Variants in SYT1 observed in about 807,000 individuals in gnomAD.
The protein encoded by SYT1 is synaptotagmin-1.
A neutral mutation model predicts 44.8 loss-of-function variants in SYT1; 8 were observed. The ratio of observed to expected loss-of-function variants is 0.18; its 90% CI spans 0.10 to 0.32. The LOEUF is 0.32. Ranked by LOEUF, SYT1 falls within the 10% of genes least tolerant of loss-of-function variation. SYT1 has a pLI of 1.00. For synonymous variants in SYT1, 154 were observed against 188.8 expected, an observed-to-expected ratio of 0.82 and a Z score of 1.51; for missense variants, 286 against 509.3, an observed-to-expected ratio of 0.56 and a Z score of 4.22.
intron 4 of SYT1, among the ~76,000 whole-genome samples, chr12:79,285,017 A>C (rs1879239085): frequency 6.6e-6 from 1 of 152,160 alleles, no homozygotes; most frequent in African/African-American, 2.4e-5. Context: ...AAGCAATCTG[A>C]GTAGAGTCAC....
At chr12:79,020,358 G>A (rs1443644246) in intron 2 of SYT1, among the ~76,000 whole-genome samples, 2 of 151,850 alleles carry the variant, frequency 1.3e-5, no homozygotes, top group East Asian at 3.9e-4. Flanking sequence ...CTAGGAAGTT[G>A]TCCATTTCAA....
chr12:78,890,410 G>A (rs1874986877), intron 1 of SYT1, among the ~76,000 whole-genome samples: 3 of 151,840 alleles, frequency 2.0e-5, no homozygotes, highest in Admixed American at 2.0e-4. Context: ...GAGCGGGGAA[G>A]GATAGCATTA....
At chr12:79,341,276 C>T (rs1007392437) in intron 8 of SYT1, 4 of 152,052 alleles carry the variant, frequency 2.6e-5, no homozygotes, top group African/African-American at 7.2e-5. Context: ...GGCCCAAACA[C>T]GTAATGGGTT....
chr12:79,389,430 C>T (rs531384234), intron 9 of SYT1, among the ~76,000 whole-genome samples: 117 of 152,188 alleles, frequency 7.7e-4, no homozygotes, highest in African/African-American at 2.7e-3. Flanking sequence ...CAGATATTTC[C>T]AGTTGCTAAG....
chr12:78,955,343 A>G (rs1412215799), intron 1 of SYT1: 2 of 152,166 alleles, frequency 1.3e-5, no homozygotes, highest in African/African-American at 4.8e-5. Flanking sequence ...TGCCTCAGGG[A>G]AAAGCATATG....
At chr12:78,967,126 A>G (rs1868267601) in intron 1 of SYT1, among the ~76,000 whole-genome samples, 1 of 152,164 alleles carries the variant, frequency 6.6e-6, no homozygotes, top group African/African-American at 2.4e-5. Flanking sequence ...CAATTTAACA[A>G]ATATTTATTA....
At chr12:79,448,236 G>A (rs1051073694) in intron 10 of SYT1, among the ~76,000 whole-genome samples, 10 of 152,094 alleles carry the variant, frequency 6.6e-5, no homozygotes, top group Non-Finnish European at 1.5e-4. Context: ...TGATATCAAT[G>A]CCAGATACAT....
At chr12:79,148,552 T>C (rs1162326506) in intron 3 of SYT1, among the ~76,000 whole-genome samples, 1 of 152,098 alleles carries the variant, frequency 6.6e-6, no homozygotes, top group Non-Finnish European at 1.5e-5. Flanking sequence ...TTCACAAAAA[T>C]AAAGAGTATT....
At chr12:79,399,289 A>ATTTTTTTTTTTTTTTTTTTTTTTTTTTAT (rs576684760) in intron 9 of SYT1, among the ~76,000 whole-genome samples, 1 of 134,188 alleles carries the variant, frequency 7.5e-6, no homozygotes, top group African/African-American at 2.7e-5. Context: ...AGTAATTTGA[A>ATTTTTTTTTTTTTTTTTTTTTTTTTTTAT]TTTTTTTTTT....
intron 3 of SYT1, among the ~76,000 whole-genome samples, chr12:79,172,969 CAAAAAAAAAAAAAA>C (rs200575966): frequency 0.023 from 358 of 15,676 alleles, 2 homozygotes; most frequent in Middle Eastern, 0.062. Context: ...TTCCTGCTCT[CAAAAAAAAAAAAAA>C]AAAAAAAAAA....
intron 3 of SYT1, among the ~76,000 whole-genome samples, chr12:79,216,403 C>G (rs956779067): frequency 1.3e-5 from 2 of 152,174 alleles, no homozygotes; most frequent in Admixed American, 6.5e-5. Context: ...CCTCAGAAAG[C>G]CTGAAATCTT....
rs568527531 is a variant in SYT1 at position 78,946,662 on chromosome 12, A to C, written c.-216-31137A>C. Among the ~76,000 whole-genome samples, 4 of 152,038 alleles carry C rather than the reference A, an allele frequency of 2.6e-5. No homozygotes were observed. In the East Asian group the frequency reaches 7.8e-4, roughly 29 times the overall value. The stretch of plus-strand genomic sequence containing the variant: ...AGATCGTGCCACTGCACTTCAGCCT[A>C]ACAGCCTAAGTGACAGAGTAAGACT... On this transcript the variant is annotated intron_variant, in intron 1 of 10. Coordinates refer to ENST00000261205, the MANE Select transcript of SYT1 (RefSeq NM_005639.3).
chr12:79,204,731 C>T (rs1873996658), intron 3 of SYT1, among the ~76,000 whole-genome samples: 1 of 148,774 alleles, frequency 6.7e-6, no homozygotes, highest in Admixed American at 6.7e-5. Context: ...CCTCTTCTAT[C>T]AAAAATAAAT....
chr12:79,174,137 A>C (rs1871714954), intron 3 of SYT1, among the ~76,000 whole-genome samples: 1 of 152,126 alleles, frequency 6.6e-6, no homozygotes, highest in African/African-American at 2.4e-5. Context: ...GAAAATCATT[A>C]GAATTTTAAC....
chr12:79,287,099 C>A (rs1879350092), intron 5 of SYT1, among the ~76,000 whole-genome samples: 1 of 152,094 alleles, frequency 6.6e-6, no homozygotes, highest in Admixed American at 6.6e-5. Flanking sequence ...CTCCCCTTCC[C>A]AGCTTCAGTT....
intron 1 of SYT1, chr12:78,926,589 C>T (rs947324063): frequency 2.0e-5 from 3 of 151,120 alleles, no homozygotes; most frequent in African/African-American, 7.3e-5. Context: ...ATTTTTATCA[C>T]ATAACAGGAA....
At chr12:79,177,175 T>G (rs1051154420) in intron 3 of SYT1, among the ~76,000 whole-genome samples, 1 of 107,220 alleles carries the variant, frequency 9.3e-6, no homozygotes, top group African/African-American at 3.7e-5. Context: ...TAGGTATATC[T>G]CCCAATGCTA....
chr12:79,097,515 T>A (rs1477981218), intron 3 of SYT1, among the ~76,000 whole-genome samples: 1 of 152,016 alleles, frequency 6.6e-6, no homozygotes, highest in Middle Eastern at 3.2e-3. Context: ...TTGGAGGGCC[T>A]ATAGAAACAC....
In SYT1 at chr12:78,940,254, T is replaced by C. The variant is rs149507319; in HGVS notation, c.-216-37545T>C. Among the ~76,000 whole-genome samples the C allele has an allele frequency of 1.4e-3, 211 of 152,318 alleles. 4 individuals are homozygous for C. Among genetic ancestry groups the C allele is most frequent in the African/African-American group, 4.9e-3 (203 of 41,580 alleles). ...ATGGAAGATGAGGACAAGAATGAGA[T>C]GTATTGAGTCTCCTGATTTCAATTC... is the stretch of plus-strand genomic sequence containing the variant. On this transcript the variant is annotated intron_variant, in intron 1 of 10. Transcript: ENST00000261205.
Sources: gnomAD v4.1 joint callset for allele counts (sites outside exome capture counted in the v4.1 genomes callset) on GRCh38, gnomAD v4.1.1 for gene constraint, MANE v1.5 for transcripts, NCBI Gene and HGNC (gene_info 2026-07-23, HGNC 2026-07-21) for gene names.